NGEF: variants seen among roughly 807,000 people sequenced by gnomAD.
The protein encoded by NGEF is ephexin-1.
NGEF carries 31 observed loss-of-function variants against 80.9 expected under a neutral mutation model. The ratio of observed to expected loss-of-function variants is 0.38; its 90% CI spans 0.29 to 0.52. The LOEUF is 0.52. NGEF is among the 20% of genes least tolerant of loss of function. The probability of loss-of-function intolerance (pLI) is 0.84; values close to 1 mark genes in which losing one functional copy is unlikely to be tolerated. For synonymous variants in NGEF, 371 were observed against 370.2 expected (o/e 1.00, Z -0.03); for missense variants, 709 against 926.2 (o/e 0.77, Z 3.04).
At chr2:232,953,569 G>T (rs139848474) in intron 3 of NGEF, among the ~76,000 whole-genome samples, 5 of 151,072 alleles carry the variant, frequency 3.3e-5, no homozygotes, top group Middle Eastern at 3.4e-3. Flanking sequence ...ATTCCTTTAT[G>T]AAAATTAGGA....
At chr2:232,968,233 C>T (rs1472809045) in intron 3 of NGEF, among the ~76,000 whole-genome samples, 9 of 150,908 alleles carry the variant, frequency 6.0e-5, no homozygotes, top group Admixed American at 5.9e-4. Context: ...GGATTACAGG[C>T]ATGTGCCACC....
rs568860665 is a variant in NGEF at position 232,892,671 on chromosome 2, G to A, written c.1142+227C>T. Among the ~76,000 whole-genome samples the A allele has an allele frequency of 6.6e-6, 1 of 152,302 alleles. No individual in the cohort carries two copies. Among genetic ancestry groups the A allele is most frequent in the East Asian group, 1.9e-4 (1 of 5,184 alleles). On this transcript the variant is annotated intron_variant, in intron 7 of 14. Transcript: ENST00000264051. The surrounding 1 kb of genome is among the most constrained non-coding windows in gnomAD (Gnocchi z 4.0). ...TGGATGCTACGCTGATTCTCTTGGG[G>A]TCTGGCTGGGCTAATGTTTCTCTAG...
intron 1 of NGEF, among the ~76,000 whole-genome samples, chr2:232,984,626 GCTGCATGAA>G (rs1380558184): frequency 1.3e-5 from 2 of 152,192 alleles, no homozygotes; most frequent in Non-Finnish European, 2.9e-5. Context: ...GGAACCGTGA[GCTGCATGAA>G]CTGCAGCAAG....
intron 1 of NGEF, among the ~76,000 whole-genome samples, chr2:233,010,884 G>C (rs1243846420): frequency 1.3e-5 from 2 of 152,156 alleles, no homozygotes; most frequent in Non-Finnish European, 2.9e-5. Context: ...CCAAGGTGGG[G>C]AGAGGTGGTC....
chr2:232,913,764 C>CA (rs1395907842), intron 5 of NGEF, among the ~76,000 whole-genome samples: 1 of 151,852 alleles, frequency 6.6e-6, no homozygotes, highest in Non-Finnish European at 1.5e-5. Flanking sequence ...ACTAAAAACA[C>CA]AAAAAATTAG....
At chr2:232,901,378 T>C (rs1692350686) in intron 5 of NGEF, 1 of 985,546 alleles carries the variant, frequency 1.0e-6, no homozygotes, top group Non-Finnish European at 1.2e-6. Flanking sequence ...GGTCTCCTTA[T>C]GATCCAGGGT....
At chr2:232,927,813 TGCCCGGGACCCC>T in intron 3 of NGEF, 1 of 909,516 alleles carries the variant, frequency 1.1e-6, no homozygotes, top group African/African-American at 1.8e-5. Context: ...GCGCAGGGGG[TGCCCGGGACCCC>T]GGGCGCAAGC....
intron 1 of NGEF, among the ~76,000 whole-genome samples, chr2:232,975,435 C>T (rs796818222): frequency 1.1e-4 from 17 of 152,248 alleles, no homozygotes; most frequent in African/African-American, 3.9e-4. Context: ...CAAACCTTGC[C>T]ATCAGCTGGC....
intron 3 of NGEF, among the ~76,000 whole-genome samples, chr2:232,955,307 A>G (rs533503599): frequency 7.7e-4 from 118 of 152,308 alleles, no homozygotes; most frequent in African/African-American, 2.7e-3. Context: ...ACTAGCTCCT[A>G]TATAACCCAA....
At chr2:233,001,964 A>C (rs1204670344) in intron 1 of NGEF, among the ~76,000 whole-genome samples, 7 of 152,140 alleles carry the variant, frequency 4.6e-5, no homozygotes, top group Non-Finnish European at 8.8e-5. Context: ...GCCCTGAACC[A>C]TTGCACTCCA....
chr2:232,978,630 T>C (rs1694345581), intron 1 of NGEF, among the ~76,000 whole-genome samples: 1 of 151,684 alleles, frequency 6.6e-6, no homozygotes, highest in Non-Finnish European at 1.5e-5. Flanking sequence ...ACAGAACAGC[T>C]CCCTCAACAG....
chr2:232,984,942 G>A (rs1485241952), intron 1 of NGEF, among the ~76,000 whole-genome samples: 1 of 152,140 alleles, frequency 6.6e-6, no homozygotes, highest in Non-Finnish European at 1.5e-5. Flanking sequence ...TTGAATGAAC[G>A]AAAAGCAGGC....
intron 1 of NGEF, among the ~76,000 whole-genome samples, chr2:232,994,039 A>T (rs571310215): frequency 6.6e-6 from 1 of 152,302 alleles, no homozygotes; most frequent in African/African-American, 2.4e-5. Context: ...TACACCATAA[A>T]TGGGTAAACT....
intron 3 of NGEF, among the ~76,000 whole-genome samples, chr2:232,939,967 A>G (rs1693405547): frequency 6.6e-6 from 1 of 151,864 alleles, no homozygotes; most frequent in South Asian, 2.1e-4. Context: ...ACTGCACTCC[A>G]GCCCGAGCGA....
intron 5 of NGEF, among the ~76,000 whole-genome samples, chr2:232,899,790 A>G (rs1692229434): frequency 9.0e-6 from 1 of 111,146 alleles, no homozygotes; most frequent in African/African-American, 3.5e-5. Flanking sequence ...GTTCACTCAC[A>G]TTCACTCACA....
chr2:232,922,657 G>T (rs887574416), intron 4 of NGEF, among the ~76,000 whole-genome samples: 1 of 152,206 alleles, frequency 6.6e-6, no homozygotes, highest in Non-Finnish European at 1.5e-5. Flanking sequence ...ACTGCACTGC[G>T]GTTACAGAGG....
intron 3 of NGEF, among the ~76,000 whole-genome samples, chr2:232,965,457 T>C (rs890697959): frequency 2.0e-5 from 3 of 152,100 alleles, no homozygotes; most frequent in African/African-American, 7.2e-5. Context: ...AGAGCAGGGA[T>C]TCAGTTATGT....
At chr2:232,905,662 C>T (rs942446509) in intron 5 of NGEF, 12 of 372,224 alleles carry the variant, frequency 3.2e-5, no homozygotes, top group African/African-American at 6.7e-5. Flanking sequence ...GTGAGGAGCG[C>T]CTCTTCCCGG....
intron 1 of NGEF, among the ~76,000 whole-genome samples, chr2:232,993,136 T>TC (rs1360105488): frequency 2.3e-5 from 1 of 43,226 alleles, no homozygotes; most frequent in Non-Finnish European, 4.3e-5. Flanking sequence ...TATATATTTA[T>TC]TTATATATAT....
Sources: allele counts gnomAD v4.1 joint callset (sites outside exome capture counted in the v4.1 genomes callset), GRCh38; gene constraint gnomAD v4.1.1; non-coding constraint Gnocchi (gnomAD v3.1); transcripts MANE v1.5; gene names NCBI Gene and HGNC (gene_info 2026-07-23, HGNC 2026-07-21).